SLIT3: variants seen among roughly 807,000 people sequenced by gnomAD.
The protein encoded by SLIT3 is slit guidance ligand 3.
A neutral mutation model predicts 184.0 loss-of-function variants in SLIT3; 68 were observed. The observed-to-expected ratio is 0.37, with a 90% CI of 0.30 to 0.45. The LOEUF (loss-of-function observed/expected upper bound fraction) is 0.45, where lower values mean the gene tolerates loss of function less well. SLIT3 is among the 20% of genes least tolerant of loss of function. The pLI is 1.00. For synonymous variants in SLIT3, 831 were observed against 828.6 expected, an observed-to-expected ratio of 1.00 and a Z score of -0.05; for missense variants, 1,707 against 2,026.0, an observed-to-expected ratio of 0.84 and a Z score of 3.02.
In SLIT3 at chr5:169,129,121, C is replaced by A. The variant is rs188171885; in HGVS notation, c.413+64358G>T. 8.5e-5 allele frequency among the ~76,000 whole-genome samples: 13 copies of A among 152,272 alleles called. No homozygotes were observed. The East Asian group carries it at 2.1e-3, about 25-fold the overall frequency. On this transcript the variant is annotated intron_variant, in intron 4 of 35. Transcript: ENST00000519560. The stretch of plus-strand genomic sequence containing the variant: ...TACAATTTGCCATACTCTGCAAGCA[C>A]CTGGCCCGAAAGGCCATGCGTCACT...
intron 8 of SLIT3, among the ~76,000 whole-genome samples, chr5:168,816,077 C>G (rs1757326729): frequency 6.6e-6 from 1 of 152,032 alleles, no homozygotes; most frequent in Non-Finnish European, 1.5e-5. Flanking sequence ...TTTAGGAAGT[C>G]AAGGAATTAG....
At chr5:169,232,251 G>A (rs544112217) in intron 3 of SLIT3, among the ~76,000 whole-genome samples, 1 of 152,224 alleles carries the variant, frequency 6.6e-6, no homozygotes, top group East Asian at 1.9e-4. Context: ...TTGAGATGGA[G>A]CCTTGCTCTG....
At chr5:168,785,154 C>T (rs1756110015) in intron 12 of SLIT3, among the ~76,000 whole-genome samples, 1 of 152,162 alleles carries the variant, frequency 6.6e-6, no homozygotes, top group Admixed American at 6.5e-5. Flanking sequence ...CACACACACA[C>T]ACTCCCACAC....
At chr5:169,268,849 GTATT>G (rs1161143527) in intron 1 of SLIT3, among the ~76,000 whole-genome samples, 1 of 152,118 alleles carries the variant, frequency 6.6e-6, no homozygotes, top group African/African-American at 2.4e-5. Flanking sequence ...GTTTTCCCAC[GTATT>G]GATTTATCAT....
At chr5:169,254,372 G>A (rs944282689) in intron 1 of SLIT3, among the ~76,000 whole-genome samples, 1 of 152,130 alleles carries the variant, frequency 6.6e-6, no homozygotes, top group African/African-American at 2.4e-5. Context: ...GCCTGGGATG[G>A]GTTCTGAACT....
intron 4 of SLIT3, among the ~76,000 whole-genome samples, chr5:168,985,828 G>A (rs536902730): frequency 7.9e-5 from 12 of 152,022 alleles, no homozygotes; most frequent in African/African-American, 2.9e-4. Flanking sequence ...AGAAGGAAAG[G>A]AGGGATGATG....
intron 4 of SLIT3, among the ~76,000 whole-genome samples, chr5:169,126,347 AAG>A (rs1166623763): frequency 1.3e-5 from 2 of 152,236 alleles, no homozygotes; most frequent in African/African-American, 4.8e-5. Flanking sequence ...GGAAAGGAGA[AAG>A]AGAGACAGAG....
chr5:169,225,711 CA>C (rs1161091749), intron 3 of SLIT3, among the ~76,000 whole-genome samples: 1 of 152,050 alleles, frequency 6.6e-6, no homozygotes. Context: ...AAAGAGAAGA[CA>C]GGGGGTGGGC....
At chr5:168,772,079 A>G (rs572807569) in intron 14 of SLIT3, 1 of 152,292 alleles carries the variant, frequency 6.6e-6, no homozygotes, top group Non-Finnish European at 1.5e-5. Flanking sequence ...TTCTCTTTCC[A>G]AGATAGGCTG....
chr5:169,199,818 G>T (rs1478446405), intron 3 of SLIT3, among the ~76,000 whole-genome samples: 1 of 152,158 alleles, frequency 6.6e-6, no homozygotes, highest in Non-Finnish European at 1.5e-5. Context: ...TATCATCTAA[G>T]TTTCAAGGAC....
At chr5:168,687,599 G>A (rs1225257623) in intron 29 of SLIT3, among the ~76,000 whole-genome samples, 2 of 152,154 alleles carry the variant, frequency 1.3e-5, no homozygotes, top group African/African-American at 4.8e-5. Flanking sequence ...GTTTACACTT[G>A]CGTGTCATAA....
chr5:168,742,761 C>G (rs987222294), intron 20 of SLIT3, among the ~76,000 whole-genome samples: 1 of 147,480 alleles, frequency 6.8e-6, no homozygotes, highest in African/African-American at 2.5e-5. Flanking sequence ...GTTCAAACCA[C>G]CTTAAGCATA....
chr5:169,112,295 G>A (rs1760441203), intron 4 of SLIT3, among the ~76,000 whole-genome samples: 1 of 152,216 alleles, frequency 6.6e-6, no homozygotes, highest in Non-Finnish European at 1.5e-5. Flanking sequence ...GGGGCTCTCA[G>A]CCTGAAGGTC....
At position 168,697,680 on chromosome 5, in the gene SLIT3, A is replaced by G. The variant is rs75314150; in HGVS notation, c.2943-1249T>C. ...CTACTTAATTGGTCTCCTTTCTACA[A>G]CTGAAAACCATATCACATTTTCTAC... On this transcript the variant is annotated intron_variant, in intron 27 of 35. Transcript: ENST00000519560. Among the ~76,000 whole-genome samples the G allele has an allele frequency of 1.2e-4, 19 of 152,268 alleles. No individual in the cohort carries two copies. The East Asian group carries it at 2.5e-3, about 20-fold the overall frequency.
Position 169,015,044 on chromosome 5 carries a change from C to G in SLIT3, c.414-131708G>C, listed in dbSNP as rs1427017399. On this transcript the variant is annotated intron_variant, in intron 4 of 35. Coordinates refer to ENST00000519560, the MANE Select transcript of SLIT3 (RefSeq NM_003062.4). ...CTTGCAGGAGGGCAAAAAGCAAAACCTTGTCATTGATAAGGGCTATCCATC... is the reference window on the plus strand; with the variant it reads ...CTTGCAGGAGGGCAAAAAGCAAAACGTTGTCATTGATAAGGGCTATCCATC... 2.0e-5 allele frequency among the ~76,000 whole-genome samples: 3 copies of G among 151,858 alleles called. No homozygotes were observed. The East Asian group carries it at 5.8e-4, about 29-fold the overall frequency.
rs138298291 is a variant in SLIT3 at position 168,757,512 on chromosome 5, G to C, written c.1685+3350C>G. On this transcript the variant is annotated intron_variant, in intron 16 of 35. Transcript: ENST00000519560. ...GCAGTGGTGGGATCTCGGCTCACTG[G>C]AAGCTCCGCCTCCCAGGTTCACGCC... is the stretch of plus-strand genomic sequence containing the variant. Among the ~76,000 whole-genome samples the C allele has an allele frequency of 4.5e-3, 686 of 151,742 alleles. 4 individuals are homozygous for C. Among genetic ancestry groups the C allele is most frequent in the African/African-American group, 0.014 (585 of 41,370 alleles).
intron 6 of SLIT3, among the ~76,000 whole-genome samples, chr5:168,832,253 C>T (rs1011209395): frequency 6.6e-6 from 1 of 152,222 alleles, no homozygotes; most frequent in Admixed American, 6.5e-5. Flanking sequence ...CTCCAACTTA[C>T]ATTACTGGAC....
intron 3 of SLIT3, among the ~76,000 whole-genome samples, chr5:169,230,472 ATT>A (rs929287052): frequency 2.0e-5 from 3 of 152,248 alleles, no homozygotes; most frequent in African/African-American, 7.2e-5. Flanking sequence ...ACACATATGC[ATT>A]TAAATATGTA....
chr5:169,082,984 G>A (rs960902225), intron 4 of SLIT3, among the ~76,000 whole-genome samples: 6 of 152,164 alleles, frequency 3.9e-5, no homozygotes, highest in Non-Finnish European at 7.3e-5. Context: ...AGCAAATAAA[G>A]TGATCACAGA....
Sources: gnomAD v4.1 joint callset for allele counts (sites outside exome capture counted in the v4.1 genomes callset) on GRCh38, gnomAD v4.1.1 for gene constraint, MANE v1.5 for transcripts, NCBI Gene and HGNC (gene_info 2026-07-23, HGNC 2026-07-21) for gene names.